ERC1: variants seen among roughly 807,000 people sequenced by gnomAD.
ERC1 encodes ELKS/RAB6-interacting/CAST family member 1, also known as RAB6 interacting protein 2.
In ERC1, 56 loss-of-function variants were observed where a neutral mutation model predicts 132.0. The observed-to-expected ratio is 0.42, with a 90% CI of 0.34 to 0.53. The LOEUF (loss-of-function observed/expected upper bound fraction) is 0.53, where lower values mean the gene tolerates loss of function less well. ERC1 is among the 20% of genes least tolerant of loss of function. The probability of loss-of-function intolerance (pLI) is 0.03; values close to 1 mark genes in which losing one functional copy is unlikely to be tolerated. For missense variants in ERC1, 1,202 were observed against 1,349.9 expected, an observed-to-expected ratio of 0.89 and a Z score of 1.72; for synonymous variants, 478 against 476.1, an observed-to-expected ratio of 1.00 and a Z score of -0.05.
At chr12:991,649 G>C (rs1391596179) in intron 1 of ERC1, 1 of 152,092 alleles carries the variant, frequency 6.6e-6, no homozygotes, top group Non-Finnish European at 1.5e-5. Context: ...GGCGGGAGGT[G>C]GGGGAGTGGG....
chr12:1,405,169 A>AAATGAATG (rs1412319977), intron 16 of ERC1, among the ~76,000 whole-genome samples: 1 of 148,730 alleles, frequency 6.7e-6, no homozygotes, highest in African/African-American at 2.4e-5. Context: ...ATAAATAAAT[A>AAATGAATG]AATAAATAAA....
intron 2 of ERC1, among the ~76,000 whole-genome samples, chr12:1,033,202 A>G (rs1968397600): frequency 6.6e-6 from 1 of 151,812 alleles, no homozygotes. Flanking sequence ...ACGCCCAGCT[A>G]ATTTTTTGTA....
intron 2 of ERC1, among the ~76,000 whole-genome samples, chr12:1,082,126 C>G (rs1402194168): frequency 6.6e-6 from 1 of 151,808 alleles, no homozygotes; most frequent in Non-Finnish European, 1.5e-5. Flanking sequence ...CCTCCCAGTT[C>G]AAGCAATTCT....
At chr12:1,012,787 G>A (rs570364399) in intron 1 of ERC1, among the ~76,000 whole-genome samples, 2 of 152,070 alleles carry the variant, frequency 1.3e-5, no homozygotes, top group South Asian at 2.1e-4. Flanking sequence ...TCAGGTCTGC[G>A]TCCAAGATCT....
chr12:1,347,699 C>T (rs116006781), intron 15 of ERC1, among the ~76,000 whole-genome samples: 215 of 152,308 alleles, frequency 1.4e-3, no homozygotes, highest in African/African-American at 5.0e-3. Flanking sequence ...AAAATGAACA[C>T]AAGGCTGGGC....
chr12:1,408,928 A>G (rs1393013843), intron 17 of ERC1, among the ~76,000 whole-genome samples: 1 of 152,174 alleles, frequency 6.6e-6, no homozygotes, highest in Non-Finnish European at 1.5e-5. Flanking sequence ...ATATCCCATT[A>G]CCAAAAATCA....
At chr12:1,246,593 G>T (rs2076173264) in intron 13 of ERC1, among the ~76,000 whole-genome samples, 1 of 152,106 alleles carries the variant, frequency 6.6e-6, no homozygotes, top group African/African-American at 2.4e-5. Flanking sequence ...TTTCTCTAAG[G>T]TGTTTATTTA....
At chr12:1,165,387 G>T (rs1419487470) in intron 8 of ERC1, among the ~76,000 whole-genome samples, 3 of 151,724 alleles carry the variant, frequency 2.0e-5, no homozygotes, top group African/African-American at 7.3e-5. Context: ...CTCACTGCAA[G>T]TTCCGCCTCC....
At chr12:1,360,735 A>G (rs548812918) in intron 15 of ERC1, among the ~76,000 whole-genome samples, 1 of 152,298 alleles carries the variant, frequency 6.6e-6, no homozygotes, top group Non-Finnish European at 1.5e-5. Context: ...AAATATAAGT[A>G]CAAGTATATT....
intron 9 of ERC1, 40 bp downstream of exon 9, chr12:1,180,717 T>C: frequency 1.2e-6 from 2 of 1,611,744 alleles, no homozygotes; most frequent in Non-Finnish European, 1.7e-6. Context: ...CGTTTTCTGC[T>C]TTCTCATTAA....
chr12:1,298,101 A>G (rs552622360), intron 15 of ERC1, among the ~76,000 whole-genome samples: 40 of 152,340 alleles, frequency 2.6e-4, no homozygotes, highest in South Asian at 1.5e-3. Context: ...CTAACAAAAA[A>G]AAGAAGAAAG....
At chr12:1,340,464 C>T (rs955778566) in intron 15 of ERC1, among the ~76,000 whole-genome samples, 10 of 152,160 alleles carry the variant, frequency 6.6e-5, no homozygotes, top group Non-Finnish European at 7.3e-5. Context: ...CCTGCCAAAT[C>T]GGTGTCTGTG....
rs767922735 is a variant in ERC1, at chr12:1,490,116, T to C, written c.3237T>C (p.Gly1079=). 1 of 1,614,040 alleles carries C rather than the reference T, an allele frequency of 6.2e-7. No individual in the cohort carries two copies. Among genetic ancestry groups the C allele is most frequent in the South Asian group, 1.1e-5 (1 of 91,076 alleles). ...RGQLQDELEK[G]ERDNAELQEF... ...AGCTTCAGGATGAGTTAGAGAAAGG[T>C]GAACGGGACAATGCAGAACTGCAGG... Residue 1079 remains glycine, a synonymous_variant, in exon 19 of 19, where the codon GGT becomes GGC. Coordinates refer to ENST00000360905, the MANE Select transcript of ERC1 (RefSeq NM_178040.4).
At chr12:1,032,561 G>A (rs888142894) in intron 2 of ERC1, among the ~76,000 whole-genome samples, 2 of 152,118 alleles carry the variant, frequency 1.3e-5, no homozygotes, top group Admixed American at 1.3e-4. Context: ...AGTGGATGGG[G>A]CATGTGTAGG....
chr12:1,175,677 G>A (rs962047758), intron 8 of ERC1, among the ~76,000 whole-genome samples: 1 of 151,958 alleles, frequency 6.6e-6, no homozygotes, highest in African/African-American at 2.4e-5. Context: ...GGGGTTACAG[G>A]TGCCCACCAC....
rs1954553249 is a variant in ERC1, at chr12:1,182,168, T to G, written c.2016+103T>G. The G allele has an allele frequency of 4.5e-6, 5 of 1,116,556 alleles. No homozygotes were observed. In the East Asian group the frequency reaches 1.3e-4, roughly 28 times the overall value. 69.2% of individuals were successfully genotyped at this position (1,116,556 alleles called of 1,614,324 possible). On this transcript the variant is annotated intron_variant, in intron 10 of 18. Transcript: ENST00000360905. ...TATAAAAAAGTATTCGATGGAAAAT[T>G]TTCTTAATATTCTTTTAGCAGGCTT...
chr12:1,438,954 A>AAAAAAAAAATATATATATATTTATAT (rs1015181197), intron 17 of ERC1, among the ~76,000 whole-genome samples: 1 of 143,492 alleles, frequency 7.0e-6, no homozygotes, highest in African/African-American at 2.6e-5. Flanking sequence ...TTTAAAAAAA[A>AAAAAAAAAATATATATATATTTATAT]ATATATATAT....
intron 15 of ERC1, among the ~76,000 whole-genome samples, chr12:1,340,210 G>A (rs2083698900): frequency 6.6e-6 from 1 of 152,148 alleles, no homozygotes; most frequent in African/African-American, 2.4e-5. Flanking sequence ...GGTCCCTAGA[G>A]AGTCCAGCAG....
chr12:1,375,586 A>T (rs1056279972), intron 16 of ERC1, among the ~76,000 whole-genome samples: 1 of 152,144 alleles, frequency 6.6e-6, no homozygotes, highest in Non-Finnish European at 1.5e-5. Flanking sequence ...GTTGGTGTGA[A>T]ATTCAATAAG....
Sources: gnomAD v4.1 joint callset for allele counts (sites outside exome capture counted in the v4.1 genomes callset) on GRCh38, gnomAD v4.1.1 for gene constraint, MANE v1.5 for transcripts, NCBI Gene and HGNC (gene_info 2026-07-23, HGNC 2026-07-21) for gene names.